Variants in RAB28 observed in about 807,000 individuals in gnomAD.
The protein encoded by RAB28 is ras-related protein Rab-28.
In RAB28, 24 loss-of-function variants were observed where a neutral mutation model predicts 31.7. The observed-to-expected ratio is 0.76, with a 90% confidence interval of 0.55 to 1.06. The LOEUF (loss-of-function observed/expected upper bound fraction) is 1.06. Among genes scored for constraint, RAB28 ranks in the 50% least tolerant of loss-of-function variants. RAB28 has a pLI of 0.00. For synonymous variants in RAB28, 100 were observed against 90.4 expected (o/e 1.11, Z -0.60); for missense variants, 254 against 258.5 (o/e 0.98, Z 0.12).
chr4:13,457,540 C>T (rs902370784), intron 4 of RAB28, among the ~76,000 whole-genome samples: 4 of 151,342 alleles, frequency 2.6e-5, no homozygotes, highest in South Asian at 4.2e-4. Context: ...AATATATAAT[C>T]TCATACTGAA....
At chr4:13,423,949 A>G (rs1713329104) in intron 4 of RAB28, among the ~76,000 whole-genome samples, 1 of 152,116 alleles carries the variant, frequency 6.6e-6, no homozygotes, top group African/African-American at 2.4e-5. Context: ...GCTTGGAGGT[A>G]CAAAAGGTTA....
intron 3 of RAB28, among the ~76,000 whole-genome samples, chr4:13,466,388 T>C (rs1715845700): frequency 6.6e-6 from 1 of 151,878 alleles, no homozygotes; most frequent in South Asian, 2.1e-4. Flanking sequence ...AATTTAAAAA[T>C]TGGCAAGAGA....
At chr4:13,462,190 T>C (rs1715620655) in intron 3 of RAB28, among the ~76,000 whole-genome samples, 1 of 152,162 alleles carries the variant, frequency 6.6e-6, no homozygotes, top group Admixed American at 6.5e-5. Flanking sequence ...ATCAATTGGC[T>C]TGGGGTTCAG....
chr4:13,392,963 A>G (rs1030592723), intron 4 of RAB28, among the ~76,000 whole-genome samples: 18 of 152,242 alleles, frequency 1.2e-4, no homozygotes, highest in Non-Finnish European at 1.6e-4. Context: ...AGCAATGACT[A>G]GCATATAGCA....
At chr4:13,399,228 A>C (rs1711609666) in intron 4 of RAB28, among the ~76,000 whole-genome samples, 1 of 152,024 alleles carries the variant, frequency 6.6e-6, no homozygotes, top group Non-Finnish European at 1.5e-5. Flanking sequence ...TGCGTCTGGC[A>C]TTTTTCGTGC....
chr4:13,401,766 TTC>T (rs1711778417), intron 4 of RAB28, among the ~76,000 whole-genome samples: 1 of 152,134 alleles, frequency 6.6e-6, no homozygotes, highest in East Asian at 1.9e-4. Flanking sequence ...TTTCATTGAT[TTC>T]TCTATTTTTT....
intron 4 of RAB28, among the ~76,000 whole-genome samples, chr4:13,404,859 GT>G (rs963690747): frequency 1.3e-5 from 2 of 148,768 alleles, no homozygotes; most frequent in African/African-American, 5.0e-5. Flanking sequence ...ATACTAACCA[GT>G]TTTTTTGTTG....
At position 13,393,876 on chromosome 4, in the gene RAB28, A is replaced by G. The variant is rs61798406; in HGVS notation, c.392-12282T>C. 2.4e-3 allele frequency among the ~76,000 whole-genome samples: 360 copies of G among 148,312 alleles called. 2 individuals are homozygous for G. The highest frequency in any genetic ancestry group is 4.6e-3 in the Admixed American group (68 of 14,792). The stretch of plus-strand genomic sequence containing the variant: ...GCTACAAAAAAAAAAAAAAAAAAAC[A>G]GTACATGCACTTCTTTAAAAGAAGT... On this transcript the variant is annotated intron_variant, in intron 4 of 6. Coordinates refer to ENST00000330852, the MANE Select transcript of RAB28 (RefSeq NM_001017979.3).
intron 4 of RAB28, among the ~76,000 whole-genome samples, chr4:13,390,953 A>T (rs1041648384): frequency 3.9e-5 from 6 of 152,290 alleles, no homozygotes; most frequent in Admixed American, 1.3e-4. Flanking sequence ...ATAAAAACCC[A>T]AGAAGAAAAC....
chr4:13,405,160 A>G (rs1193498003), intron 4 of RAB28, among the ~76,000 whole-genome samples: 1 of 152,204 alleles, frequency 6.6e-6, no homozygotes, highest in African/African-American at 2.4e-5. Flanking sequence ...GGAGAAAAAC[A>G]TAGCCAAAAT....
At chr4:13,451,446 G>A (rs1714963599) in intron 4 of RAB28, among the ~76,000 whole-genome samples, 1 of 149,472 alleles carries the variant, frequency 6.7e-6, no homozygotes, top group Non-Finnish European at 1.5e-5. Context: ...TTGCTGTTGA[G>A]ATGTCTGCAT....
At chr4:13,371,099 T>C in intron 6 of RAB28, 1 of 985,278 alleles carries the variant, frequency 1.0e-6, no homozygotes, top group African/African-American at 1.7e-5. Flanking sequence ...ACTACATTTA[T>C]AAATAAAGAT....
At chr4:13,387,042 A>T (rs1012463199) in intron 4 of RAB28, among the ~76,000 whole-genome samples, 2 of 152,100 alleles carry the variant, frequency 1.3e-5, no homozygotes, top group African/African-American at 4.8e-5. Flanking sequence ...GAGAAAAATG[A>T]TGAGAACACA....
At chr4:13,449,670 A>C (rs1421139396) in intron 4 of RAB28, among the ~76,000 whole-genome samples, 1 of 151,908 alleles carries the variant, frequency 6.6e-6, no homozygotes, top group Non-Finnish European at 1.5e-5. Flanking sequence ...ATCTGTCATG[A>C]AGATTGTTTA....
intron 3 of RAB28, among the ~76,000 whole-genome samples, chr4:13,462,533 T>C (rs376178611): frequency 9.8e-5 from 15 of 152,310 alleles, no homozygotes; most frequent in African/African-American, 3.6e-4. Context: ...ATTAACTCTC[T>C]GAAGCTAGAG....
intron 3 of RAB28, among the ~76,000 whole-genome samples, chr4:13,462,075 T>C (rs1245641574): frequency 6.6e-6 from 1 of 152,210 alleles, no homozygotes; most frequent in Non-Finnish European, 1.5e-5. Flanking sequence ...TTCCTACGGA[T>C]TTAAGTTCCA....
At chr4:13,377,652 A>G (rs971882834) in intron 5 of RAB28, among the ~76,000 whole-genome samples, 2 of 152,224 alleles carry the variant, frequency 1.3e-5, no homozygotes, top group African/African-American at 4.8e-5. Flanking sequence ...AGGGTGGCCC[A>G]ATGTGACTTT....
At chr4:13,460,629 G>A (rs1715544604) in intron 4 of RAB28, 70 bp downstream of exon 4, 10 of 1,583,120 alleles carry the variant, frequency 6.3e-6, no homozygotes, top group Admixed American at 5.2e-5. Flanking sequence ...GGGGTGGTGG[G>A]GGGACACAAA....
intron 4 of RAB28, among the ~76,000 whole-genome samples, chr4:13,403,196 T>TAA (rs1315928094): frequency 3.3e-5 from 5 of 152,218 alleles, no homozygotes; most frequent in Non-Finnish European, 7.3e-5. Flanking sequence ...TCTATTCCTA[T>TAA]AAAACTATTT....
Sources: gnomAD v4.1 joint callset for allele counts (sites outside exome capture counted in the v4.1 genomes callset) on GRCh38, gnomAD v4.1.1 for gene constraint, MANE v1.5 for transcripts, NCBI Gene and HGNC (gene_info 2026-07-23, HGNC 2026-07-21) for gene names.